The following DMD variants were observed in gnomAD, a reference collection of about 807,000 sequenced individuals.
DMD encodes the protein mutant dystrophin.
In DMD, 63 loss-of-function variants were observed where a neutral mutation model predicts 330.1. The observed-to-expected ratio is 0.19, with a 90% CI of 0.16 to 0.24. DMD has a LOEUF of 0.24. Ranked by LOEUF, DMD falls within the 10% of genes least tolerant of loss-of-function variation. DMD has a pLI of 1.00. For missense variants in DMD, 3,344 were observed against 2,684.1 expected, an observed-to-expected ratio of 1.25 and a Z score of -5.43; for synonymous variants, 1,223 against 959.8, an observed-to-expected ratio of 1.27 and a Z score of -5.07.
At chrX:33,303,759 T>C (rs911356725) in intron 1 of DMD, among the ~76,000 whole-genome samples, 27 of 111,815 alleles carry the variant, frequency 2.4e-4, no homozygotes, top group Non-Finnish European at 5.1e-4. Context: ...TTGCTTCCCC[T>C]TCTGCCATGA....
intron 44 of DMD, among the ~76,000 whole-genome samples, chrX:32,044,780 C>T (rs1403279800): frequency 9.0e-6 from 1 of 111,663 alleles, no homozygotes; most frequent in African/African-American, 3.3e-5. Flanking sequence ...ATATGGTGCC[C>T]ACTGTTTTAA....
rs2032382172 is a variant in DMD, at chrX:31,121,000, T to TAAA, written c.*916_*918dup. On this transcript the variant is annotated 3_prime_UTR_variant, in exon 79 of 79. Coordinates refer to ENST00000357033, the MANE Select transcript of DMD (RefSeq NM_004006.3). ...CTTTCGTTGTCAGTGGAAAGTTGTTTAAAATGAGAAACATCTGGAGCTGTA... is the reference window on the plus strand; with the variant it reads ...CTTTCGTTGTCAGTGGAAAGTTGTTTAAAAAAATGAGAAACATCTGGAGCTGTA... 7 of 111,704 alleles carry TAAA rather than the reference T, an allele frequency of 6.3e-5. No homozygotes were observed. The highest frequency in any genetic ancestry group is 2.9e-4 in the Admixed American group (3 of 10,423). 9.2% of individuals were successfully genotyped at this position (111,704 alleles called of 1,213,427 possible).
In DMD at chrX:32,310,237, C is replaced by A. The variant is rs1219096557; in HGVS notation, c.5962G>T (p.Asp1988Tyr). 1 of 1,207,592 alleles carries A rather than the reference C, an allele frequency of 8.3e-7. No homozygotes were observed. Among genetic ancestry groups the A allele is most frequent in the Non-Finnish European group, 1.1e-6 (1 of 893,549 alleles). ...REETMMVMTE[D>Y]MPLEISYVPS... ...ACATAAGAAATTTCCAAAGGCATGTCTTCAGTCATCACCATCATCGTTTCT... is the reference window on the plus strand; with the variant it reads ...ACATAAGAAATTTCCAAAGGCATGTATTCAGTCATCACCATCATCGTTTCT... Residue 1988 changes from aspartate to tyrosine, a missense_variant, in exon 42 of 79, where the codon GAC becomes TAC. By Grantham distance (160) the Asp-to-Tyr change is radical. Coordinates refer to ENST00000357033, the MANE Select transcript of DMD (RefSeq NM_004006.3).
At chrX:33,216,161 A>T (rs1191633714), upstream of DMD, among the ~76,000 whole-genome samples, 1 of 112,206 alleles carries the variant, frequency 8.9e-6, no homozygotes, top group Non-Finnish European at 1.9e-5. Context: ...ATCCAAGAGC[A>T]TGAAATGTTT....
chrX:32,464,813 G>A, intron 23 of DMD, 114 bp from the exon 24 acceptor site: 2 of 563,972 alleles, frequency 3.5e-6, no homozygotes, highest in Non-Finnish European at 6.2e-6. Flanking sequence ...TTTAAAGGAT[G>A]TCTCTAAGTA....
rs1285348915 is a variant in DMD at position 32,411,820 on chromosome X, T to C, written c.4165A>G (p.Ile1389Val). Residue 1389 changes from isoleucine (I) to valine (V), a missense_variant, in exon 30 of 79, where the codon ATT becomes GTT. Coordinates refer to ENST00000357033, the MANE Select transcript of DMD (RefSeq NM_004006.3). ...LHLIQESLTF[I>V]DKQLAAYIAD... Reference sequence around the variant, plus strand: ...ATATAAGCTGCCAACTGCTTGTCAATGAATGTGAGGGACTCCTGGATTAAG... The same window carrying C: ...ATATAAGCTGCCAACTGCTTGTCAACGAATGTGAGGGACTCCTGGATTAAG... 3.3e-6 allele frequency: 4 copies of C among 1,209,350 alleles called. No homozygotes were observed. The highest frequency in any genetic ancestry group is 2.2e-6 in the Non-Finnish European group (2 of 894,953).
At chrX:31,300,235 T>C (rs1348261759) in intron 62 of DMD, among the ~76,000 whole-genome samples, 1 of 112,314 alleles carries the variant, frequency 8.9e-6, no homozygotes, top group Admixed American at 9.4e-5. Flanking sequence ...GATGGTGTAT[T>C]TGCTGGATAT....
chrX:31,657,254 G>C (rs900318920), intron 54 of DMD, among the ~76,000 whole-genome samples: 1 of 111,815 alleles, frequency 8.9e-6, no homozygotes, highest in South Asian at 3.7e-4. Flanking sequence ...ACATTTACTA[G>C]CTCCCTATTA....
intron 62 of DMD, among the ~76,000 whole-genome samples, chrX:31,294,444 T>C (rs143146292): frequency 8.9e-6 from 1 of 112,337 alleles, no homozygotes; most frequent in African/African-American, 3.2e-5. Context: ...AGAAAGACCA[T>C]GGGATCAGGT....
intron 60 of DMD, among the ~76,000 whole-genome samples, chrX:31,388,709 C>T (rs775998502): frequency 1.8e-5 from 2 of 111,369 alleles, no homozygotes; most frequent in East Asian, 5.7e-4. Context: ...TGAGACCAGC[C>T]TGACCAACAT....
chrX:31,121,116 C>A lies in DMD; in HGVS notation c.*803G>T, dbSNP rs1322328496. 1 of 111,816 alleles carries A rather than the reference C, an allele frequency of 8.9e-6. No homozygotes were observed. The highest frequency in any genetic ancestry group is 3.3e-5 in the African/African-American group (1 of 30,698). 9.2% of individuals were successfully genotyped at this position (111,816 alleles called of 1,213,427 possible). A position where few individuals can be genotyped will look rare whatever the true frequency, so the allele number is the denominator to read the frequency against. On this transcript the variant is annotated 3_prime_UTR_variant, in exon 79 of 79. Coordinates refer to ENST00000357033, the MANE Select transcript of DMD (RefSeq NM_004006.3). ...CAAGCAGGTAAGCCTGGATGACTGA[C>A]TAGAAGTAATTTCTTTCTATTAGGA...
At chrX:32,205,792 G>A in intron 44 of DMD, 1 of 174,213 alleles carries the variant, frequency 5.7e-6, no homozygotes, top group Non-Finnish European at 1.1e-5. Flanking sequence ...TAAGATAAAG[G>A]TAATCTCCCT....
chrX:32,544,182 G>A (rs1032422582), intron 17 of DMD, among the ~76,000 whole-genome samples: 1 of 111,359 alleles, frequency 9.0e-6, no homozygotes, highest in Non-Finnish European at 1.9e-5. Flanking sequence ...AAGGCCCAGT[G>A]ATTTACTTTG....
chrX:33,099,943 T>C (rs968568660), intron 1 of DMD, among the ~76,000 whole-genome samples: 2 of 111,938 alleles, frequency 1.8e-5, no homozygotes, highest in African/African-American at 6.5e-5. Context: ...ACAAGAGTGT[T>C]AATTGCAATG....
intron 9 of DMD, among the ~76,000 whole-genome samples, chrX:32,687,030 T>C (rs1284373236): frequency 8.9e-6 from 1 of 112,236 alleles, no homozygotes; most frequent in Non-Finnish European, 1.9e-5. Flanking sequence ...CTTAATATTC[T>C]TGGTATTAAA....
At chrX:33,277,536 G>A (rs1032154467) in intron 1 of DMD, among the ~76,000 whole-genome samples, 2 of 110,793 alleles carry the variant, frequency 1.8e-5, no homozygotes, top group African/African-American at 3.3e-5. Context: ...AAGCAGACAC[G>A]TCCTTATGAG....
At chrX:31,180,601 CCCA>C in intron 68 of DMD, 120 bp from the exon 69 acceptor site, 1 of 557,629 alleles carries the variant, frequency 1.8e-6, no homozygotes, top group Non-Finnish European at 3.1e-6. Context: ...GTTCATTAGT[CCCA>C]CAAGGTAAGT....
intron 1 of DMD, among the ~76,000 whole-genome samples, chrX:33,025,472 G>GA (rs35908365): frequency 0.057 from 5,813 of 101,196 alleles, 406 homozygotes; most frequent in African/African-American, 0.19. Flanking sequence ...AAAACTGGGG[G>GA]AAAAAAAAAA....
intron 45 of DMD, among the ~76,000 whole-genome samples, chrX:31,952,875 G>T (rs1485131868): frequency 8.9e-6 from 1 of 112,099 alleles, no homozygotes; most frequent in Admixed American, 9.5e-5. Context: ...TTAATAACTT[G>T]CCTAGATGAA....
Sources: allele counts gnomAD v4.1 joint callset (sites outside exome capture counted in the v4.1 genomes callset), GRCh38; gene constraint gnomAD v4.1.1; transcripts MANE v1.5; gene names NCBI Gene and HGNC (gene_info 2026-07-23, HGNC 2026-07-21).